Variants in MED27 observed in about 807,000 individuals in gnomAD.
MED27 encodes the protein mediator complex subunit 27.
In MED27, 30 loss-of-function variants were observed where a neutral mutation model predicts 38.2. The ratio of observed to expected loss-of-function variants is 0.79; its 90% CI spans 0.59 to 1.07. MED27 has a LOEUF of 1.07. MED27 is among the 50% of genes least tolerant of loss of function. MED27 has a pLI of 0.00. For synonymous variants in MED27, 122 were observed against 153.5 expected, an observed-to-expected ratio of 0.79 and a Z score of 1.52; for missense variants, 289 against 397.5, an observed-to-expected ratio of 0.73 and a Z score of 2.32.
At chr9:131,924,627 T>A (rs182537705) in intron 4 of MED27, among the ~76,000 whole-genome samples, 3 of 152,296 alleles carry the variant, frequency 2.0e-5, no homozygotes, top group Admixed American at 2.0e-4. Flanking sequence ...ATACTCAATT[T>A]CCACATGTAC....
chr9:131,957,400 G>A (rs1278440997), intron 3 of MED27, among the ~76,000 whole-genome samples: 2 of 152,166 alleles, frequency 1.3e-5, no homozygotes, highest in South Asian at 4.1e-4. Flanking sequence ...GACTACAGGT[G>A]TGTGCCACCA....
At chr9:131,920,893 C>A (rs1169671088) in intron 4 of MED27, among the ~76,000 whole-genome samples, 1 of 152,008 alleles carries the variant, frequency 6.6e-6, no homozygotes, top group Non-Finnish European at 1.5e-5. Context: ...AAGATACATG[C>A]CTGATTTTCC....
intron 2 of MED27, among the ~76,000 whole-genome samples, chr9:132,050,915 C>T (rs1443498896): frequency 6.6e-6 from 1 of 152,222 alleles, no homozygotes; most frequent in Non-Finnish European, 1.5e-5. Context: ...GTCAACATCT[C>T]GGCATATGAA....
At chr9:131,976,248 G>A (rs1340400339) in intron 3 of MED27, among the ~76,000 whole-genome samples, 1 of 152,114 alleles carries the variant, frequency 6.6e-6, no homozygotes, top group Non-Finnish European at 1.5e-5. Flanking sequence ...TGAGCCCAAG[G>A]TCACCTGGCT....
intron 2 of MED27, among the ~76,000 whole-genome samples, chr9:132,066,917 C>T (rs1251952948): frequency 6.6e-6 from 1 of 152,178 alleles, no homozygotes; most frequent in Non-Finnish European, 1.5e-5. Flanking sequence ...AAGAAGCCTC[C>T]TGGCACTCAC....
At chr9:131,922,029 G>T (rs1238784975) in intron 4 of MED27, among the ~76,000 whole-genome samples, 1 of 138,892 alleles carries the variant, frequency 7.2e-6, no homozygotes, top group African/African-American at 2.6e-5. Context: ...GTCATGGGGA[G>T]GGGGGAGGGG....
At chr9:131,899,102 A>C (rs1185186256) in intron 4 of MED27, among the ~76,000 whole-genome samples, 2 of 152,174 alleles carry the variant, frequency 1.3e-5, no homozygotes, top group African/African-American at 2.4e-5. Flanking sequence ...TGGCACAGGG[A>C]GTGCTCAGTG....
intron 4 of MED27, among the ~76,000 whole-genome samples, chr9:131,897,355 C>T (rs1474220932): frequency 6.6e-6 from 1 of 152,196 alleles, no homozygotes; most frequent in Non-Finnish European, 1.5e-5. Context: ...AACTGCTAAC[C>T]ACAACGGTTA....
chr9:132,070,364 T>C (rs1054954415), intron 2 of MED27, among the ~76,000 whole-genome samples: 7 of 152,202 alleles, frequency 4.6e-5, no homozygotes, highest in Admixed American at 3.9e-4. Flanking sequence ...GAAACCAGCC[T>C]GGGCGACATA....
chr9:131,966,895 C>T (rs1457274941), intron 3 of MED27, among the ~76,000 whole-genome samples: 2 of 152,236 alleles, frequency 1.3e-5, no homozygotes, highest in South Asian at 2.1e-4. Flanking sequence ...GACTCTAGCA[C>T]GTAGCAAGTA....
At chr9:131,948,244 G>C (rs1830920132) in intron 3 of MED27, among the ~76,000 whole-genome samples, 1 of 152,126 alleles carries the variant, frequency 6.6e-6, no homozygotes, top group Non-Finnish European at 1.5e-5. Context: ...CAGCACTTTA[G>C]GAGGCCAAGG....
chr9:131,909,120 C>T lies in MED27; in HGVS notation c.574-15128G>A, dbSNP rs546592998. Among the ~76,000 whole-genome samples, 6 of 152,100 alleles carry T rather than the reference C, an allele frequency of 3.9e-5. No homozygotes were observed. In the South Asian group the frequency reaches 1.2e-3, roughly 32 times the overall value. ...AGGAGTGAGAAAAAAGGGGAAACTA[C>T]GTAAGGAAGCCTGCAGGCTTCTGGT... On this transcript the variant is annotated intron_variant, in intron 4 of 7. Transcript: ENST00000292035.
chr9:132,055,180 C>G (rs946671234), intron 2 of MED27, among the ~76,000 whole-genome samples: 1 of 152,212 alleles, frequency 6.6e-6, no homozygotes, highest in African/African-American at 2.4e-5. Context: ...CAAGCTGGGG[C>G]TCCCCCAGCA....
At chr9:131,986,241 T>C (rs1831845898) in intron 3 of MED27, among the ~76,000 whole-genome samples, 2 of 152,190 alleles carry the variant, frequency 1.3e-5, no homozygotes, top group South Asian at 4.1e-4. Context: ...CCCTACACCT[T>C]CACATTCACT....
At chr9:131,906,702 A>G (rs1416350197) in intron 4 of MED27, among the ~76,000 whole-genome samples, 1 of 152,242 alleles carries the variant, frequency 6.6e-6, no homozygotes. Flanking sequence ...AGACCCCGAG[A>G]GAGGGTTCTC....
At chr9:131,968,227 C>T (rs1831395252) in intron 3 of MED27, among the ~76,000 whole-genome samples, 1 of 152,112 alleles carries the variant, frequency 6.6e-6, no homozygotes, top group South Asian at 2.1e-4. Context: ...AATCCCACCA[C>T]TCTGGAATGC....
At chr9:131,964,185 G>A (rs574728978) in intron 3 of MED27, among the ~76,000 whole-genome samples, 34 of 151,934 alleles carry the variant, frequency 2.2e-4, no homozygotes, top group Middle Eastern at 3.4e-3. Context: ...ACCTAGTTCA[G>A]AAGGTTGTTA....
At chr9:132,079,605 C>T in intron 1 of MED27, 37 bp downstream of exon 1, 1 of 1,599,306 alleles carries the variant, frequency 6.3e-7, no homozygotes, top group South Asian at 1.1e-5. Flanking sequence ...CGGAGCGGGG[C>T]CGGTCCCCGA....
chr9:131,881,283 C>A (rs987808581), intron 6 of MED27, among the ~76,000 whole-genome samples: 2 of 152,088 alleles, frequency 1.3e-5, no homozygotes, highest in Admixed American at 6.6e-5. Flanking sequence ...TTTTTGCATG[C>A]GAAACAAGTA....
Sources: gnomAD v4.1 joint callset for allele counts (sites outside exome capture counted in the v4.1 genomes callset) on GRCh38, gnomAD v4.1.1 for gene constraint, MANE v1.5 for transcripts, NCBI Gene and HGNC (gene_info 2026-07-23, HGNC 2026-07-21) for gene names.